Variants in ITPR1 observed in about 807,000 individuals in gnomAD.
ITPR1 encodes inositol 1,4,5-trisphosphate-gated calcium channel ITPR1.
Under a neutral mutation model 318.4 loss-of-function variants are expected in ITPR1, and 96 were observed. That is an observed-to-expected ratio of 0.30 (90% CI 0.26 to 0.36). ITPR1 has a LOEUF of 0.36. Among genes scored for constraint, ITPR1 ranks in the 10% least tolerant of loss-of-function variants. ITPR1 has a pLI of 1.00. For missense variants in ITPR1, 2,440 were observed against 3,460.2 expected (o/e 0.71, Z 7.40); for synonymous variants, 1,312 against 1,289.9 (o/e 1.02, Z -0.37).
chr3:4,799,510 C>T (rs907325922), intron 53 of ITPR1, among the ~76,000 whole-genome samples: 2 of 152,196 alleles, frequency 1.3e-5, no homozygotes, highest in African/African-American at 2.4e-5. Context: ...GGTGTCTCCT[C>T]CCCAGTGGTG....
At position 4,513,880 on chromosome 3, in the gene ITPR1, G is replaced by A. The variant is rs144882979; in HGVS notation, c.-16-2596G>A. Among the ~76,000 whole-genome samples, 481 of 152,154 alleles carry A rather than the reference G, an allele frequency of 3.2e-3. 2 individuals are homozygous for A. Among genetic ancestry groups the A allele is most frequent in the African/African-American group, 0.011 (467 of 41,514 alleles). ...GCAGGCAGATCACTTGAGGCCAGGA[G>A]TTCAAGACCCGCCTGTCCAACATGG... On this transcript the variant is annotated intron_variant, in intron 2 of 61. Coordinates refer to ENST00000649015, the MANE Select transcript of ITPR1 (RefSeq NM_001378452.1).
At chr3:4,531,181 G>A (rs921297693) in intron 4 of ITPR1, among the ~76,000 whole-genome samples, 4 of 152,162 alleles carry the variant, frequency 2.6e-5, no homozygotes, top group East Asian at 1.9e-4. Flanking sequence ...CCACTTAAGT[G>A]AATTCACAGA....
chr3:4,844,836 A>T (rs571548893), intron 61 of ITPR1, among the ~76,000 whole-genome samples: 1 of 152,250 alleles, frequency 6.6e-6, no homozygotes, highest in Non-Finnish European at 1.5e-5. Flanking sequence ...AAGCATCTCC[A>T]CAGGAGCCTA....
intron 4 of ITPR1, among the ~76,000 whole-genome samples, chr3:4,598,020 A>G (rs1178374252): frequency 6.6e-6 from 1 of 152,220 alleles, no homozygotes; most frequent in African/African-American, 2.4e-5. Context: ...TCTGTGACTG[A>G]GTGCCTGCTG....
chr3:4,720,124 A>G (rs901849087), intron 40 of ITPR1, among the ~76,000 whole-genome samples: 1 of 152,232 alleles, frequency 6.6e-6, no homozygotes, highest in South Asian at 2.1e-4. Flanking sequence ...ATTCATTTAT[A>G]TGACTAATAT....
chr3:4,846,963 G>A lies in ITPR1; in HGVS notation c.*738G>A, dbSNP rs2051825590. The A allele has an allele frequency of 6.6e-6, 1 of 152,594 alleles. No individual in the cohort carries two copies. The highest frequency in any genetic ancestry group is 6.5e-5 in the Admixed American group (1 of 15,280). 9.5% of individuals were successfully genotyped at this position (152,594 alleles called of 1,614,324 possible). ...AGCCAAATTAGAGGCTCATACTTTA[G>A]CTTGTGAAGAAGATAATGAATTTTT... On this transcript the variant is annotated 3_prime_UTR_variant, in exon 62 of 62. Transcript: ENST00000649015.
chr3:4,673,328 C>T lies in ITPR1; in HGVS notation c.2397C>T (p.Val799=), dbSNP rs774840228. The T allele has an allele frequency of 3.7e-6, 6 of 1,613,524 alleles. No homozygotes were observed. Among genetic ancestry groups the T allele is most frequent in the South Asian group, 3.3e-5 (3 of 91,064 alleles). Reference sequence around the variant, plus strand: ...TGGACCGAGATCCCCAGGAACAAGTCACCCCCGTGAAATATGCCCGCCTCT... The same window carrying T: ...TGGACCGAGATCCCCAGGAACAAGTTACCCCCGTGAAATATGCCCGCCTCT... The part of the protein sequence containing the change: ...MHVDRDPQEQ[V]TPVKYARLWS... The change falls in exon 21 of 62, where the codon GTC becomes GTT. Residue 799 remains valine (V), a synonymous_variant. Coordinates refer to ENST00000649015, the MANE Select transcript of ITPR1 (RefSeq NM_001378452.1).
chr3:4,618,602 T>C (rs1194079854), intron 4 of ITPR1, among the ~76,000 whole-genome samples: 1 of 152,242 alleles, frequency 6.6e-6, no homozygotes, highest in Admixed American at 6.5e-5. Context: ...CTTATTTTTC[T>C]TTATTTGCAT....
chr3:4,673,322 A>G lies in ITPR1; in HGVS notation c.2391A>G (p.Glu797=), dbSNP rs2094123195. 1 of 1,613,696 alleles carries G rather than the reference A, an allele frequency of 6.2e-7. No homozygotes were observed. The highest frequency in any genetic ancestry group is 1.3e-5 in the African/African-American group (1 of 74,924). The change falls in exon 21 of 62, where the codon GAA becomes GAG. Residue 797 remains glutamate (E), a synonymous_variant. Transcript: ENST00000649015. ...TGCATGTGGACCGAGATCCCCAGGA[A>G]CAAGTCACCCCCGTGAAATATGCCC... ...LHMHVDRDPQ[E]QVTPVKYARL... is the part of the protein sequence containing the mutation.
chr3:4,805,724 C>G (rs1434814220), intron 54 of ITPR1, among the ~76,000 whole-genome samples: 1 of 152,182 alleles, frequency 6.6e-6, no homozygotes, highest in Non-Finnish European at 1.5e-5. Context: ...TCATGCTGAT[C>G]ACAGGGTTCG....
chr3:4,739,576 G>C (rs989756244), intron 44 of ITPR1, among the ~76,000 whole-genome samples: 1 of 152,168 alleles, frequency 6.6e-6, no homozygotes. Context: ...ACTCAAGGAG[G>C]TTATGACTTA....
chr3:4,562,834 A>G (rs1303424333), intron 4 of ITPR1, among the ~76,000 whole-genome samples: 2 of 152,068 alleles, frequency 1.3e-5, no homozygotes, highest in Non-Finnish European at 2.9e-5. Flanking sequence ...TAGAACTTAC[A>G]TTCTAGTGGA....
At chr3:4,718,942 G>A (rs992768893) in intron 40 of ITPR1, among the ~76,000 whole-genome samples, 1 of 152,156 alleles carries the variant, frequency 6.6e-6, no homozygotes, top group Admixed American at 6.5e-5. Context: ...TTTTTCCTCT[G>A]AAATATTGAG....
At chr3:4,814,845 T>A in intron 58 of ITPR1, 1 of 599,176 alleles carries the variant, frequency 1.7e-6, no homozygotes, top group Non-Finnish European at 3.0e-6. Context: ...GCACAGTGAA[T>A]ATCCCTCCTG....
chr3:4,587,995 CTG>C (rs1170267804), intron 4 of ITPR1, among the ~76,000 whole-genome samples: 5 of 152,024 alleles, frequency 3.3e-5, no homozygotes, highest in African/African-American at 1.2e-4. Context: ...CAAGCCTGCT[CTG>C]TTAAGACTGT....
chr3:4,565,611 G>T (rs2087152882), intron 4 of ITPR1, among the ~76,000 whole-genome samples: 1 of 152,154 alleles, frequency 6.6e-6, no homozygotes, highest in Admixed American at 6.5e-5. Flanking sequence ...TTGGCCCGCA[G>T]GAGAGTGTGT....
intron 60 of ITPR1, among the ~76,000 whole-genome samples, chr3:4,820,166 TGA>T (rs2049599540): frequency 6.6e-6 from 1 of 152,196 alleles, no homozygotes; most frequent in South Asian, 2.1e-4. Context: ...CTCCAATTGT[TGA>T]AACTGGCAAA....
chr3:4,644,299 G>T (rs2093405158), intron 8 of ITPR1, 65 bp downstream of exon 8: 1 of 1,039,030 alleles, frequency 9.6e-7, no homozygotes, highest in Non-Finnish European at 1.4e-6. Context: ...GCAGGCGCCA[G>T]TGCATGCGTG....
At chr3:4,797,961 C>A (rs1224392205) in intron 53 of ITPR1, among the ~76,000 whole-genome samples, 1 of 152,222 alleles carries the variant, frequency 6.6e-6, no homozygotes, top group Non-Finnish European at 1.5e-5. Context: ...ATTCAGATTT[C>A]TCCAACTGTC....
Sources: gnomAD v4.1 joint callset for allele counts (sites outside exome capture counted in the v4.1 genomes callset) on GRCh38, gnomAD v4.1.1 for gene constraint, MANE v1.5 for transcripts, NCBI Gene and HGNC (gene_info 2026-07-23, HGNC 2026-07-21) for gene names.